Variants in MACROD2 observed in about 807,000 individuals in gnomAD.
MACROD2 encodes mono-ADP ribosylhydrolase 2, also known as ADP-ribose glycohydrolase MACROD2.
MACROD2 carries 36 observed loss-of-function variants against 70.4 expected under a neutral mutation model. That is an observed-to-expected ratio of 0.51 (90% CI 0.39 to 0.68). The LOEUF (loss-of-function observed/expected upper bound fraction) is 0.68, where lower values mean the gene tolerates loss of function less well. MACROD2 is among the 30% of genes least tolerant of loss of function. MACROD2 has a pLI of 0.00. For missense variants in MACROD2, 496 were observed against 538.4 expected, an observed-to-expected ratio of 0.92 and a Z score of 0.78; for synonymous variants, 172 against 178.8, an observed-to-expected ratio of 0.96 and a Z score of 0.30.
intron 15 of MACROD2, among the ~76,000 whole-genome samples, chr20:16,004,113 T>C (rs2066753485): frequency 6.6e-6 from 1 of 152,102 alleles, no homozygotes. Flanking sequence ...TTCTTTAGCG[T>C]CACTGTGGAC....
chr20:15,701,554 T>C (rs908959968), intron 8 of MACROD2, among the ~76,000 whole-genome samples: 2 of 152,242 alleles, frequency 1.3e-5, no homozygotes, highest in Non-Finnish European at 2.9e-5. Flanking sequence ...ACTATTCTTT[T>C]CCTCTCAGTA....
At chr20:16,039,812 AG>A (rs1423532976) in intron 15 of MACROD2, among the ~76,000 whole-genome samples, 2 of 151,988 alleles carry the variant, frequency 1.3e-5, no homozygotes, top group African/African-American at 4.8e-5. Context: ...CCTCATTCTC[AG>A]GAGCTAGTGA....
At chr20:14,211,686 GT>G (rs2081572089) in intron 3 of MACROD2, among the ~76,000 whole-genome samples, 2 of 152,178 alleles carry the variant, frequency 1.3e-5, no homozygotes, top group South Asian at 4.1e-4. Context: ...AGGCAGCAGA[GT>G]GAGAGAGGTA....
rs1257068347 is a variant in MACROD2 at position 15,803,345 on chromosome 20, CA to C, written c.646-59399del. On this transcript the variant is annotated intron_variant, in intron 8 of 17. Transcript: ENST00000684519. ...GAAGCTGAGATTCTTCTCAGCTGGA[CA>C]GTGGAAAAAGCTACCCTAGTGTAGG... is the stretch of plus-strand genomic sequence containing the variant. Among the ~76,000 whole-genome samples the C allele has an allele frequency of 2.0e-5, 3 of 152,122 alleles. No homozygotes were observed. In the East Asian group the frequency reaches 5.8e-4, roughly 29 times the overall value.
intron 12 of MACROD2, among the ~76,000 whole-genome samples, chr20:15,949,197 G>A (rs184608508): frequency 5.9e-4 from 90 of 152,234 alleles, no homozygotes; most frequent in African/African-American, 2.0e-3. Flanking sequence ...TTATATCACA[G>A]GGTTGCTAAA....
At chr20:14,720,608 C>T (rs1264373145) in intron 5 of MACROD2, among the ~76,000 whole-genome samples, 1 of 118,432 alleles carries the variant, frequency 8.4e-6, no homozygotes, top group African/African-American at 3.3e-5. Context: ...GGTTGGTGTG[C>T]TGTGGCGCCA....
At chr20:15,413,086 C>T (rs368233683) in intron 6 of MACROD2, among the ~76,000 whole-genome samples, 1 of 152,200 alleles carries the variant, frequency 6.6e-6, no homozygotes, top group African/African-American at 2.4e-5. Flanking sequence ...AGCGAAAATA[C>T]TTGCATTTTT....
intron 8 of MACROD2, among the ~76,000 whole-genome samples, chr20:15,783,922 T>G (rs1188313463): frequency 6.6e-6 from 1 of 152,172 alleles, no homozygotes; most frequent in African/African-American, 2.4e-5. Flanking sequence ...ACACGGATGC[T>G]GACCCACGAT....
intron 5 of MACROD2, among the ~76,000 whole-genome samples, chr20:15,217,917 A>G (rs2076825140): frequency 6.6e-6 from 1 of 152,178 alleles, no homozygotes; most frequent in Non-Finnish European, 1.5e-5. Context: ...TCGCAGAGGC[A>G]CATGTTGACC....
chr20:15,701,777 A>G (rs910970339), intron 8 of MACROD2, among the ~76,000 whole-genome samples: 7 of 152,192 alleles, frequency 4.6e-5, no homozygotes, highest in African/African-American at 1.7e-4. Context: ...GGTAGTAAAT[A>G]GTACCCAATA....
chr20:15,414,850 T>C (rs1462529574), intron 6 of MACROD2, among the ~76,000 whole-genome samples: 2 of 152,238 alleles, frequency 1.3e-5, no homozygotes, highest in Admixed American at 1.3e-4. Context: ...TAGCATCACC[T>C]GGGACCCTGT....
At chr20:16,035,176 T>TATATTATATATAAAATATAATATAAAA (rs1198003950) in intron 15 of MACROD2, among the ~76,000 whole-genome samples, 1 of 9,430 alleles carries the variant, frequency 1.1e-4, no homozygotes, top group Admixed American at 1.4e-3. Flanking sequence ...ATATAAAATA[T>TATATTATATATAAAATATAATATAAAA]TATATATTAT....
chr20:15,212,207 G>T (rs560871752), intron 5 of MACROD2, among the ~76,000 whole-genome samples: 2 of 152,222 alleles, frequency 1.3e-5, no homozygotes, highest in Admixed American at 1.3e-4. Flanking sequence ...TCTATTAAAA[G>T]ACAAATTACA....
chr20:15,928,907 A>T lies in MACROD2; in HGVS notation c.776-4369A>T, dbSNP rs2065531086. Among the ~76,000 whole-genome samples, 2 of 152,214 alleles carry T rather than the reference A, an allele frequency of 1.3e-5. 1 individual carries two copies. Among genetic ancestry groups the T allele is most frequent in the South Asian group, 4.1e-4 (2 of 4,834 alleles). ...ATGAGATGAAAATATAGATGGGGAAATACAAAATTAAAGACTAGATTTTTT... is the reference window on the plus strand; with the variant it reads ...ATGAGATGAAAATATAGATGGGGAATTACAAAATTAAAGACTAGATTTTTT... On this transcript the variant is annotated intron_variant, in intron 10 of 17. Transcript: ENST00000684519.
intron 2 of MACROD2, among the ~76,000 whole-genome samples, chr20:14,015,411 A>G (rs2052974390): frequency 2.0e-5 from 3 of 152,074 alleles, no homozygotes; most frequent in Admixed American, 2.0e-4. Context: ...GTGAGACTTC[A>G]TCTCTAAAAT....
chr20:15,515,803 G>GT (rs1459946511), intron 8 of MACROD2, among the ~76,000 whole-genome samples: 4 of 152,200 alleles, frequency 2.6e-5, no homozygotes, highest in Non-Finnish European at 2.9e-5. Context: ...CAGCCCTAGT[G>GT]TGCAGAGATT....
At chr20:14,193,144 G>T (rs991413282) in intron 3 of MACROD2, among the ~76,000 whole-genome samples, 1 of 152,094 alleles carries the variant, frequency 6.6e-6, no homozygotes, top group Non-Finnish European at 1.5e-5. Flanking sequence ...CAGAAACTCT[G>T]GACTTCAGTC....
At chr20:15,795,787 C>T (rs1291640174) in intron 8 of MACROD2, among the ~76,000 whole-genome samples, 1 of 152,190 alleles carries the variant, frequency 6.6e-6, no homozygotes, top group African/African-American at 2.4e-5. Flanking sequence ...AATGCCTGGG[C>T]CATCTCTGAG....
At chr20:15,078,491 T>C (rs2075677285) in intron 5 of MACROD2, among the ~76,000 whole-genome samples, 1 of 152,168 alleles carries the variant, frequency 6.6e-6, no homozygotes, top group Admixed American at 6.5e-5. Flanking sequence ...TTAGGTGATA[T>C]AGGCTTCAAT....
Sources: gnomAD v4.1 joint callset for allele counts (sites outside exome capture counted in the v4.1 genomes callset) on GRCh38, gnomAD v4.1.1 for gene constraint, MANE v1.5 for transcripts, NCBI Gene and HGNC (gene_info 2026-07-23, HGNC 2026-07-21) for gene names.